Variants in UHRF1 observed in about 807,000 individuals in gnomAD.
UHRF1 encodes the protein ubiquitin like with PHD and ring finger domains 1.
In UHRF1, 9 loss-of-function variants were observed where a neutral mutation model predicts 96.5. That is an observed-to-expected ratio of 0.09 (90% CI 0.06 to 0.16). The LOEUF is 0.16. Ranked by LOEUF, UHRF1 falls within the 10% of genes least tolerant of loss-of-function variation. UHRF1 has a pLI of 1.00. For synonymous variants in UHRF1, 455 were observed against 469.9 expected, an observed-to-expected ratio of 0.97 and a Z score of 0.41; for missense variants, 626 against 1,131.1, an observed-to-expected ratio of 0.55 and a Z score of 6.40.
chr19:4,932,067 T>G (rs749200745), intron 4 of UHRF1, among the ~76,000 whole-genome samples: 1 of 152,168 alleles, frequency 6.6e-6, no homozygotes, highest in Non-Finnish European at 1.5e-5. Context: ...TAGCTGGGAT[T>G]ACAGGCATGC....
Position 4,946,789 on chromosome 19 carries a change from T to G in UHRF1, c.1411-316T>G, listed in dbSNP as rs577506300. Among the ~76,000 whole-genome samples, 59 of 152,230 alleles carry G rather than the reference T, an allele frequency of 3.9e-4. No homozygotes were observed. The South Asian group carries it at 0.011, about 29-fold the overall frequency. On this transcript the variant is annotated intron_variant, in intron 10 of 16. Coordinates refer to ENST00000650932, the MANE Select transcript of UHRF1 (RefSeq NM_001048201.3). ...TGGGGTTTCGCCATGTTGCCCAGGC[T>G]GATCTCGAACTCCTGGGCTTAAGCG...
intron 12 of UHRF1, 34 bp from the exon 13 acceptor site, chr19:4,950,816 GGCTGCCTCT>G: frequency 6.2e-7 from 1 of 1,614,044 alleles, no homozygotes; most frequent in African/African-American, 1.3e-5. Flanking sequence ...TCCCCGCCGG[GGCTGCCTCT>G]GATGGAGCTG....
At chr19:4,956,834 G>A (rs747623989) in intron 16 of UHRF1, 21 bp downstream of exon 16, 56 of 1,555,608 alleles carry the variant, frequency 3.6e-5, no homozygotes, top group Non-Finnish European at 4.8e-5. Context: ...ATGGCCGCGG[G>A]AGCCGGGTGG....
chr19:4,921,211 G>A (rs1169006429), intron 2 of UHRF1, among the ~76,000 whole-genome samples: 1 of 152,086 alleles, frequency 6.6e-6, no homozygotes, highest in Non-Finnish European at 1.5e-5. Flanking sequence ...AGGCCAAGGC[G>A]GGTGGATCAA....
chr19:4,911,105 C>CAGATGCACCA, intron 2 of UHRF1, 67 bp downstream of exon 2: 1 of 1,396,068 alleles, frequency 7.2e-7, no homozygotes, highest in Non-Finnish European at 9.5e-7. Context: ...AGCCACCAGC[C>CAGATGCACCA]GATACTTTCT....
intron 2 of UHRF1, among the ~76,000 whole-genome samples, chr19:4,923,363 C>T (rs2032764055): frequency 6.6e-6 from 1 of 152,120 alleles, no homozygotes; most frequent in Non-Finnish European, 1.5e-5. Flanking sequence ...TGCCTGCTCT[C>T]CAGGCAGCCC....
At chr19:4,911,764 G>C (rs771874831) in intron 2 of UHRF1, among the ~76,000 whole-genome samples, 2 of 152,202 alleles carry the variant, frequency 1.3e-5, no homozygotes, top group Non-Finnish European at 2.9e-5. Flanking sequence ...TGGTGTTTTT[G>C]TGGGGGACTG....
chr19:4,939,876 T>G (rs185277127), intron 5 of UHRF1, among the ~76,000 whole-genome samples: 5 of 152,026 alleles, frequency 3.3e-5, no homozygotes, highest in African/African-American at 1.2e-4. Context: ...TACAAAAAAT[T>G]AGCCAGGCGT....
At position 4,954,425 on chromosome 19, in the gene UHRF1, C is replaced by G. The variant is rs565758187; in HGVS notation, c.1894C>G (p.Gln632Glu). The part of the protein sequence containing the change: ...KENSKREEEE[Q>E]QEGGFASPRT... Reference sequence around the variant, plus strand: ...GAACAGCAAGAGGGAGGAGGAGGAGCAGCAGGAGGGGGGCTTCGCGTCCCC... The same window carrying G: ...GAACAGCAAGAGGGAGGAGGAGGAGGAGCAGGAGGGGGGCTTCGCGTCCCC... The change falls in exon 14 of 17, where the codon CAG becomes GAG. Residue 632 changes from glutamine to glutamate, a missense_variant. Gln to Glu is a conservative substitution (Grantham distance 29). Coordinates refer to ENST00000650932, the MANE Select transcript of UHRF1 (RefSeq NM_001048201.3). The surrounding 1 kb of genome is among the most constrained non-coding windows in gnomAD (Gnocchi z 5.9). The G allele has an allele frequency of 6.2e-7, 1 of 1,613,710 alleles. No individual in the cohort carries two copies. Among genetic ancestry groups the G allele is most frequent in the South Asian group, 1.1e-5 (1 of 91,062 alleles).
At chr19:4,921,432 T>A (rs535910234) in intron 2 of UHRF1, among the ~76,000 whole-genome samples, 103 of 147,064 alleles carry the variant, frequency 7.0e-4, no homozygotes, top group Middle Eastern at 3.7e-3. Context: ...AGAGTGAAAC[T>A]CCGTTTCAAA....
intron 2 of UHRF1, among the ~76,000 whole-genome samples, chr19:4,928,940 C>T (rs975697794): frequency 2.0e-5 from 3 of 152,226 alleles, no homozygotes; most frequent in Non-Finnish European, 4.4e-5. Context: ...CCCATGTGTG[C>T]GTGGTGCCCC....
intron 11 of UHRF1, among the ~76,000 whole-genome samples, chr19:4,949,617 C>G (rs905822006): frequency 6.6e-6 from 1 of 151,984 alleles, no homozygotes; most frequent in Non-Finnish European, 1.5e-5. Flanking sequence ...TTGCTTGAGG[C>G]TAGGAGTTTG....
chr19:4,906,026 G>C (rs1240731253), upstream of UHRF1, among the ~76,000 whole-genome samples: 1 of 152,210 alleles, frequency 6.6e-6, no homozygotes, highest in Non-Finnish European at 1.5e-5. Context: ...ACCCAGGCTA[G>C]AGTGCAGTGG....
chr19:4,922,040 A>T (rs1568411439), intron 2 of UHRF1, among the ~76,000 whole-genome samples: 1 of 152,000 alleles, frequency 6.6e-6, no homozygotes, highest in South Asian at 2.1e-4. Flanking sequence ...ACTGCCTCCC[A>T]GGTTCAAGCT....
chr19:4,933,762 G>T (rs1454772556), intron 5 of UHRF1, among the ~76,000 whole-genome samples: 1 of 152,130 alleles, frequency 6.6e-6, no homozygotes, highest in Non-Finnish European at 1.5e-5. Flanking sequence ...GTGGTCCGCT[G>T]CCGGCTTTGA....
intron 2 of UHRF1, among the ~76,000 whole-genome samples, chr19:4,928,158 A>C (rs1468866978): frequency 6.6e-6 from 1 of 151,584 alleles, no homozygotes; most frequent in Non-Finnish European, 1.5e-5. Flanking sequence ...CGTCACAACT[A>C]CGGGGTGCTC....
At position 4,934,627 on chromosome 19, in the gene UHRF1, G is replaced by T. The variant is rs547578278; in HGVS notation, c.785+1671G>T. 5.9e-5 allele frequency among the ~76,000 whole-genome samples: 9 copies of T among 152,300 alleles called. No individual in the cohort carries two copies. In the South Asian group the frequency reaches 1.0e-3, roughly 18 times the overall value. Reference sequence around the variant, plus strand: ...AGGTGCATCAGGCTGTAGCCTGGTCGGAATTTCCCTCCTTTTTGTGGCCGA... The same window carrying T: ...AGGTGCATCAGGCTGTAGCCTGGTCTGAATTTCCCTCCTTTTTGTGGCCGA... On this transcript the variant is annotated intron_variant, in intron 5 of 16. Transcript: ENST00000650932.
At chr19:4,911,093 GCA>G in intron 2 of UHRF1, 55 bp downstream of exon 2, 1 of 1,424,188 alleles carries the variant, frequency 7.0e-7, no homozygotes. Flanking sequence ...TCGCGCCTCT[GCA>G]GCCACCAGCC....
In UHRF1 at chr19:4,941,535, T is replaced by A. The variant is rs1325588459; in HGVS notation, c.793T>A (p.Ser265Thr). 6.2e-7 allele frequency: 1 copy of A among 1,613,090 alleles called. No homozygotes were observed. The highest frequency in any genetic ancestry group is 8.5e-7 in the Non-Finnish European group (1 of 1,179,474). ...CGTCCTCGTTCCTTGCAGGGATGATTCTCTGAACGACTGTCGGATCATCTT... is the reference window on the plus strand; with the variant it reads ...CGTCCTCGTTCCTTGCAGGGATGATACTCTGAACGACTGTCGGATCATCTT... ...LYANVVLGDD[S>T]LNDCRIIFVD... is the part of the protein sequence containing the mutation. Residue 265 changes from serine to threonine, a missense_variant, in exon 6 of 17, where the codon TCT (serine) becomes ACT (threonine). Transcript: ENST00000650932.
Sources: allele counts gnomAD v4.1 joint callset (sites outside exome capture counted in the v4.1 genomes callset), GRCh38; gene constraint gnomAD v4.1.1; non-coding constraint Gnocchi (gnomAD v3.1); transcripts MANE v1.5; gene names NCBI Gene and HGNC (gene_info 2026-07-23, HGNC 2026-07-21).